The following GNAQ variants were observed in gnomAD, a reference collection of about 807,000 sequenced individuals.
GNAQ encodes the protein G protein subunit alpha q.
GNAQ carries 8 observed loss-of-function variants against 43.9 expected under a neutral mutation model. That is an observed-to-expected ratio of 0.18 (90% CI 0.11 to 0.33). GNAQ has a LOEUF of 0.33. GNAQ is among the 10% of genes least tolerant of loss of function. The pLI, the probability that GNAQ is intolerant of heterozygous loss-of-function variation, is 1.00. For synonymous variants in GNAQ, 155 were observed against 170.7 expected, an observed-to-expected ratio of 0.91 and a Z score of 0.71; for missense variants, 158 against 450.8, an observed-to-expected ratio of 0.35 and a Z score of 5.88.
chr9:77,741,751 T>C (rs1825657019), intron 5 of GNAQ, among the ~76,000 whole-genome samples: 1 of 152,204 alleles, frequency 6.6e-6, no homozygotes, highest in Non-Finnish European at 1.5e-5. Flanking sequence ...CTTTTCATAA[T>C]ACTTTAAGCA....
chr9:77,779,976 T>G (rs548846609), intron 5 of GNAQ, among the ~76,000 whole-genome samples: 10 of 152,058 alleles, frequency 6.6e-5, no homozygotes, highest in Non-Finnish European at 8.8e-5. Flanking sequence ...GTGATCTCTT[T>G]TTTTCTATAA....
intron 2 of GNAQ, among the ~76,000 whole-genome samples, chr9:77,872,481 A>G (rs118144370): frequency 0.08 from 12,206 of 152,282 alleles, 540 homozygotes; most frequent in South Asian, 0.11. Flanking sequence ...ATTATAATTA[A>G]TATACATATA....
intron 5 of GNAQ, among the ~76,000 whole-genome samples, chr9:77,781,967 GTCTCC>G (rs1279426087): frequency 6.6e-6 from 1 of 152,096 alleles, no homozygotes; most frequent in Non-Finnish European, 1.5e-5. Context: ...AGGTGAGGAT[GTCTCC>G]TCTCAACACT....
chr9:77,744,450 C>T (rs895793059), intron 5 of GNAQ, among the ~76,000 whole-genome samples: 2 of 152,150 alleles, frequency 1.3e-5, no homozygotes, highest in Non-Finnish European at 2.9e-5. Context: ...CGCAATGTGA[C>T]TCTACTGTGT....
intron 1 of GNAQ, among the ~76,000 whole-genome samples, chr9:77,983,471 C>T (rs1461325818): frequency 6.6e-6 from 1 of 152,200 alleles, no homozygotes; most frequent in Non-Finnish European, 1.5e-5. Context: ...GGCCCCTCCC[C>T]TCTGGAACTG....
At chr9:77,870,702 C>A (rs2118026166) in intron 2 of GNAQ, among the ~76,000 whole-genome samples, 1 of 151,832 alleles carries the variant, frequency 6.6e-6, no homozygotes, top group Admixed American at 6.6e-5. Flanking sequence ...ACTTGTTTTG[C>A]CAAAAATGAC....
At chr9:77,847,499 A>T (rs542175452) in intron 2 of GNAQ, among the ~76,000 whole-genome samples, 1 of 152,228 alleles carries the variant, frequency 6.6e-6, no homozygotes, top group South Asian at 2.1e-4. Flanking sequence ...GCTACAGCAG[A>T]TATCAAAAAG....
chr9:77,972,287 C>T (rs760939897), intron 1 of GNAQ, among the ~76,000 whole-genome samples: 38 of 152,096 alleles, frequency 2.5e-4, no homozygotes, highest in Non-Finnish European at 4.3e-4. Context: ...AAATATTAAT[C>T]GTGCACGCAC....
intron 1 of GNAQ, among the ~76,000 whole-genome samples, chr9:78,006,624 A>G (rs1823710434): frequency 6.6e-6 from 1 of 152,204 alleles, no homozygotes; most frequent in South Asian, 2.1e-4. Context: ...GCTTTCAGAA[A>G]CAATGCTTAT....
At chr9:77,798,702 C>T (rs1418348766) in intron 3 of GNAQ, among the ~76,000 whole-genome samples, 1 of 152,142 alleles carries the variant, frequency 6.6e-6, no homozygotes, top group Admixed American at 6.5e-5. Flanking sequence ...CCCTAGGTTA[C>T]TTAACAATGT....
chr9:77,870,759 C>T (rs1290999674), intron 2 of GNAQ, among the ~76,000 whole-genome samples: 2 of 151,788 alleles, frequency 1.3e-5, no homozygotes, highest in African/African-American at 2.4e-5. Context: ...AACTGTGGTA[C>T]ATTCCAAATA....
chr9:77,774,424 A>G (rs1302085232), intron 5 of GNAQ, among the ~76,000 whole-genome samples: 2 of 152,206 alleles, frequency 1.3e-5, no homozygotes, highest in Non-Finnish European at 2.9e-5. Context: ...CCAATCAGAA[A>G]AAGAGAAAGC....
At position 77,718,696 on chromosome 9, in the gene GNAQ, A is replaced by G. The variant is rs1283399682; in HGVS notation, c.*2627T>C. On this transcript the variant is annotated 3_prime_UTR_variant, in exon 7 of 7. Coordinates refer to ENST00000286548, the MANE Select transcript of GNAQ (RefSeq NM_002072.5). ...TCTTGTGATGAGGTTTTCTCTATACACACTGTAGGCCTTCAAATGTTGTTG... is the reference window on the plus strand; with the variant it reads ...TCTTGTGATGAGGTTTTCTCTATACGCACTGTAGGCCTTCAAATGTTGTTG... 1 of 216,266 alleles carries G rather than the reference A, an allele frequency of 4.6e-6. No homozygotes were observed. Among genetic ancestry groups the G allele is most frequent in the Non-Finnish European group, 9.0e-6 (1 of 110,636 alleles). 13.4% of individuals were successfully genotyped at this position (216,266 alleles called of 1,614,324 possible). A position where few individuals can be genotyped will look rare whatever the true frequency, so the allele number is the denominator to read the frequency against.
At chr9:77,993,887 T>A (rs927336295) in intron 1 of GNAQ, among the ~76,000 whole-genome samples, 1 of 152,180 alleles carries the variant, frequency 6.6e-6, no homozygotes, top group African/African-American at 2.4e-5. Context: ...GGTAATAAAA[T>A]GATGTTTTAA....
intron 2 of GNAQ, among the ~76,000 whole-genome samples, chr9:77,882,863 T>C (rs560680243): frequency 6.0e-4 from 92 of 152,296 alleles, no homozygotes; most frequent in African/African-American, 2.1e-3. Context: ...TACACAGGAA[T>C]ATGTTACTGT....
chr9:77,783,700 A>C lies in GNAQ; in HGVS notation c.735+10763T>G, dbSNP rs140194808. Among the ~76,000 whole-genome samples the C allele has an allele frequency of 7.2e-5, 11 of 152,318 alleles. No homozygotes were observed. The East Asian group carries it at 1.5e-3, about 21-fold the overall frequency. On this transcript the variant is annotated intron_variant, in intron 5 of 6. Transcript: ENST00000286548. ...ACCTAGGGCTGAGAGGCAGGATACT[A>C]GCACTTCTAGTTTGCTTCCTGTATA...
chr9:78,030,700 G>A (rs1824041273), intron 1 of GNAQ: 1 of 381,466 alleles, frequency 2.6e-6, no homozygotes, highest in Non-Finnish European at 5.5e-6. Context: ...ACCCCATGGG[G>A]TGCCGCGGCC....
chr9:77,835,282 A>T (rs1827365399), intron 2 of GNAQ, among the ~76,000 whole-genome samples: 2 of 151,722 alleles, frequency 1.3e-5, no homozygotes, highest in African/African-American at 4.8e-5. Context: ...GCCCTACTAG[A>T]TAAGGGATCT....
At chr9:77,834,040 A>G (rs184163845) in intron 2 of GNAQ, among the ~76,000 whole-genome samples, 2 of 152,338 alleles carry the variant, frequency 1.3e-5, no homozygotes, top group East Asian at 1.9e-4. Flanking sequence ...GGTATTGTGT[A>G]CCAATAAATA....
Sources: gnomAD v4.1 joint callset for allele counts (sites outside exome capture counted in the v4.1 genomes callset) on GRCh38, gnomAD v4.1.1 for gene constraint, MANE v1.5 for transcripts, NCBI Gene and HGNC (gene_info 2026-07-23, HGNC 2026-07-21) for gene names.